Variants in CLEC1A observed in about 807,000 individuals in gnomAD.
CLEC1A encodes C-type lectin-like receptor-1.
A neutral mutation model predicts 28.7 loss-of-function variants in CLEC1A; 34 were observed. The observed-to-expected ratio is 1.18, with a 90% CI of 0.90 to 1.57. The LOEUF is 1.57. Ranked by LOEUF, CLEC1A falls within the 40% of genes most tolerant of loss-of-function variation. The pLI, the probability that CLEC1A is intolerant of heterozygous loss-of-function variation, is 0.00. For missense variants in CLEC1A, 385 were observed against 339.5 expected (o/e 1.13, Z -1.05); for synonymous variants, 116 against 121.0 (o/e 0.96, Z 0.27).
At chr12:10,074,589 CAA>C (rs1422579247) in intron 4 of CLEC1A, among the ~76,000 whole-genome samples, 1 of 152,012 alleles carries the variant, frequency 6.6e-6, no homozygotes, top group Non-Finnish European at 1.5e-5. Context: ...GCAGAGGAAT[CAA>C]AGAGAATAAG....
In CLEC1A at chr12:10,089,337, C is replaced by T. The variant is rs1289611688; in HGVS notation, c.116-115G>A. On this transcript the variant is annotated intron_variant, in intron 1 of 5. Transcript: ENST00000315330. ...CACAAGAACAAATTAGGCTGGACAA[C>T]GGTAACAGGGGCTGGATAACCTGCT... The T allele has an allele frequency of 2.6e-5, 20 of 775,684 alleles. 1 individual carries two copies. The South Asian group carries it at 2.8e-4, about 11-fold the overall frequency. The allele number at this position is 775,684 out of a possible 1,614,324, so 48.1% of individuals were successfully genotyped here. A position where few individuals can be genotyped will look rare whatever the true frequency, so the allele number is the denominator to read the frequency against.
At chr12:10,091,902 G>C (rs1382530642) in intron 1 of CLEC1A, among the ~76,000 whole-genome samples, 1 of 151,952 alleles carries the variant, frequency 6.6e-6, no homozygotes, top group Non-Finnish European at 1.5e-5. Context: ...TCTTACTCCA[G>C]GAAAAATTAA....
intron 2 of CLEC1A, among the ~76,000 whole-genome samples, chr12:10,085,243 A>ACACACACACAC (rs1491571823): frequency 6.8e-6 from 1 of 147,902 alleles, no homozygotes; most frequent in Non-Finnish European, 1.5e-5. Context: ...ACACACACAC[A>ACACACACACAC]ATAAAACAAG....
intron 1 of CLEC1A, among the ~76,000 whole-genome samples, chr12:10,093,920 T>G (rs1308599944): frequency 6.6e-6 from 1 of 152,154 alleles, no homozygotes; most frequent in Non-Finnish European, 1.5e-5. Flanking sequence ...CTTTTCTGTG[T>G]TCATGTAAAT....
At chr12:10,076,900 G>T (rs1363965210) in intron 3 of CLEC1A, among the ~76,000 whole-genome samples, 2 of 152,174 alleles carry the variant, frequency 1.3e-5, no homozygotes, top group African/African-American at 4.8e-5. Context: ...GGTTCATTCT[G>T]CTCTGGATTC....
At position 10,071,282 on chromosome 12, in the gene CLEC1A, T is replaced by A; in HGVS notation, c.*51A>T. ...ATTTCCCAATGTCTCAACTAGCCCT[T>A]GCTTTGGCACCGCCTGGCTCACTCT... On this transcript the variant is annotated 3_prime_UTR_variant, in exon 6 of 6. Coordinates refer to ENST00000315330, the MANE Select transcript of CLEC1A (RefSeq NM_016511.4). 1.3e-6 allele frequency: 2 copies of A among 1,552,478 alleles called. No homozygotes were observed. Among genetic ancestry groups the A allele is most frequent in the Non-Finnish European group, 1.8e-6 (2 of 1,137,944 alleles).
chr12:10,092,399 T>G (rs763438995), intron 1 of CLEC1A: 3 of 373,180 alleles, frequency 8.0e-6, no homozygotes, highest in Non-Finnish European at 1.6e-5. Context: ...TTTTTAAAAT[T>G]CATCAGCCAT....
At chr12:10,075,267 G>A (rs1591904387) in intron 4 of CLEC1A, among the ~76,000 whole-genome samples, 1 of 152,168 alleles carries the variant, frequency 6.6e-6, no homozygotes. Flanking sequence ...TTCCCTGAGA[G>A]GGGATTTTAA....
At chr12:10,097,710 G>A (rs760452811) in intron 1 of CLEC1A, among the ~76,000 whole-genome samples, 2 of 152,092 alleles carry the variant, frequency 1.3e-5, no homozygotes, top group Non-Finnish European at 2.9e-5. Flanking sequence ...AGTCAAAGGT[G>A]GAAAATGAAG....
chr12:10,081,327 G>A lies in CLEC1A; in HGVS notation c.301C>T (p.Gln101Ter). The A allele has an allele frequency of 6.2e-7, 1 of 1,612,818 alleles. No homozygotes were observed. Among genetic ancestry groups the A allele is most frequent in the Non-Finnish European group, 8.5e-7 (1 of 1,179,116 alleles). ...ERLGNTSQEL[Q>*]SLQVQNIKLA... ...TTTATATTCTGGACTTGAAGAGATTGCAACTCTTGGGACGTATTTCCTAAT... is the reference window on the plus strand; with the variant it reads ...TTTATATTCTGGACTTGAAGAGATTACAACTCTTGGGACGTATTTCCTAAT... Residue 101 changes from glutamine to a stop codon, truncating the protein, a stop_gained, in exon 3 of 6, where the codon CAA becomes TAA. Coordinates refer to ENST00000315330, the MANE Select transcript of CLEC1A (RefSeq NM_016511.4). LOFTEE classifies it high-confidence loss of function.
intron 1 of CLEC1A, among the ~76,000 whole-genome samples, chr12:10,093,041 T>C (rs1040260501): frequency 6.6e-6 from 1 of 152,178 alleles, no homozygotes; most frequent in Non-Finnish European, 1.5e-5. Flanking sequence ...GGAAAGTCCA[T>C]GAAACTGAAA....
In CLEC1A at chr12:10,070,444, C is replaced by T. The variant is rs948994879; in HGVS notation, c.*889G>A. The T allele has an allele frequency of 1.3e-5, 2 of 152,194 alleles. No individual in the cohort carries two copies. The highest frequency in any genetic ancestry group is 4.8e-5 in the African/African-American group (2 of 41,446). 9.4% of individuals were successfully genotyped at this position (152,194 alleles called of 1,614,324 possible). Reference sequence around the variant, plus strand: ...GAAAAGCATTTCCATGCTGAATTTTCCCACCAACCATAAGTCCATTGTAAA... The same window carrying T: ...GAAAAGCATTTCCATGCTGAATTTTTCCACCAACCATAAGTCCATTGTAAA... On this transcript the variant is annotated 3_prime_UTR_variant, in exon 6 of 6. Coordinates refer to ENST00000315330, the MANE Select transcript of CLEC1A (RefSeq NM_016511.4).
At chr12:10,098,127 AG>A (rs1947803126) in intron 1 of CLEC1A, among the ~76,000 whole-genome samples, 2 of 152,072 alleles carry the variant, frequency 1.3e-5, no homozygotes, top group South Asian at 2.1e-4. Flanking sequence ...CAGAAGGGAA[AG>A]GGCATATTAA....
At chr12:10,095,566 G>C (rs988290957) in intron 1 of CLEC1A, among the ~76,000 whole-genome samples, 16 of 152,216 alleles carry the variant, frequency 1.1e-4, no homozygotes, top group African/African-American at 3.9e-4. Context: ...AAGAAAAAGA[G>C]AAAATGACTT....
chr12:10,096,197 C>A (rs1196177327), intron 1 of CLEC1A, among the ~76,000 whole-genome samples: 1 of 152,068 alleles, frequency 6.6e-6, no homozygotes, highest in African/African-American at 2.4e-5. Flanking sequence ...TCTGCAGACC[C>A]CTTAAACTCA....
chr12:10,071,371 G>C lies in CLEC1A; in HGVS notation c.805C>G (p.Leu269Val). The change falls in exon 6 of 6, where the codon CTC (leucine) becomes GTC (valine). Residue 269 changes from leucine to valine, a missense_variant. Transcript: ENST00000315330. ...CCTAATGTTTCAGGGGGGACATGGA[G>C]GCTCTCTGGCTTCACCATTCCTGCC... ...RRAGMVKPES[L>V]HVPPETLGEG... 6.2e-7 allele frequency: 1 copy of C among 1,613,862 alleles called. No individual in the cohort carries two copies.
At chr12:10,077,311 A>C (rs553220952) in intron 3 of CLEC1A, among the ~76,000 whole-genome samples, 4 of 152,342 alleles carry the variant, frequency 2.6e-5, no homozygotes, top group African/African-American at 9.6e-5. Context: ...ATTTCTCTCT[A>C]TATACATATA....
chr12:10,081,315 C>T lies in CLEC1A; in HGVS notation c.313G>A (p.Val105Ile). 1.2e-6 allele frequency: 2 copies of T among 1,613,552 alleles called. No individual in the cohort carries two copies. The highest frequency in any genetic ancestry group is 1.7e-6 in the Non-Finnish European group (2 of 1,179,726). Residue 105 changes from valine to isoleucine, a missense_variant, in exon 3 of 6, where the codon GTC becomes ATC. By Grantham distance (29) the Val-to-Ile change is conservative. Coordinates refer to ENST00000315330, the MANE Select transcript of CLEC1A (RefSeq NM_016511.4). The part of the protein sequence containing the change: ...NTSQELQSLQ[V>I]QNIKLAGSLQ... The stretch of plus-strand genomic sequence containing the variant: ...CTTCCTGCAAGCTTTATATTCTGGA[C>T]TTGAAGAGATTGCAACTCTTGGGAC...
chr12:10,093,017 C>T (rs545309143), intron 1 of CLEC1A, among the ~76,000 whole-genome samples: 1 of 152,192 alleles, frequency 6.6e-6, no homozygotes, highest in South Asian at 2.1e-4. Context: ...TCCAGGAAAC[C>T]AAGCTCCCAT....
Sources: allele counts gnomAD v4.1 joint callset (sites outside exome capture counted in the v4.1 genomes callset), GRCh38; gene constraint gnomAD v4.1.1; transcripts MANE v1.5; gene names NCBI Gene and HGNC (gene_info 2026-07-23, HGNC 2026-07-21).